The following BEND3 variants were observed in gnomAD, a reference collection of about 807,000 sequenced individuals.
BEND3 encodes the protein BEN domain-containing protein 3.
In BEND3, 13 loss-of-function variants were observed where a neutral mutation model predicts 60.1. The ratio of observed to expected loss-of-function variants is 0.22; its 90% CI spans 0.14 to 0.34. The LOEUF (loss-of-function observed/expected upper bound fraction) is 0.34, where lower values mean the gene tolerates loss of function less well. Ranked by LOEUF, BEND3 falls within the 10% of genes least tolerant of loss-of-function variation. BEND3 has a pLI of 1.00. For missense variants in BEND3, 896 were observed against 1,138.1 expected (o/e 0.79, Z 3.06); for synonymous variants, 497 against 491.5 (o/e 1.01, Z -0.15).
At chr6:107,096,489 G>A (rs530729338) in intron 3 of BEND3, among the ~76,000 whole-genome samples, 9 of 152,226 alleles carry the variant, frequency 5.9e-5, no homozygotes, top group Admixed American at 3.9e-4. Flanking sequence ...GTGCCCACCT[G>A]TAATCCCAGC....
intron 1 of BEND3, among the ~76,000 whole-genome samples, chr6:107,106,877 G>C (rs1775826434): frequency 6.6e-6 from 1 of 150,970 alleles, no homozygotes; most frequent in African/African-American, 2.4e-5. Context: ...CAAAGTGCTG[G>C]GATTTCAGAT....
chr6:107,087,512 G>A (rs937101065), intron 3 of BEND3, among the ~76,000 whole-genome samples: 2 of 152,156 alleles, frequency 1.3e-5, no homozygotes, highest in African/African-American at 4.8e-5. Flanking sequence ...GCCGAGGCCG[G>A]CGGATCACGA....
At chr6:107,106,882 T>C (rs1775826547) in intron 1 of BEND3, among the ~76,000 whole-genome samples, 1 of 149,108 alleles carries the variant, frequency 6.7e-6, no homozygotes, top group Non-Finnish European at 1.5e-5. Flanking sequence ...TGCTGGGATT[T>C]CAGATGCAAG....
chr6:107,099,340 T>A, intron 1 of BEND3, 44 bp from the exon 2 acceptor site: 1 of 1,547,086 alleles, frequency 6.5e-7, no homozygotes, highest in Non-Finnish European at 8.9e-7. Flanking sequence ...ATTGCTTGAT[T>A]TATTTCTTAA....
At chr6:107,094,384 G>A (rs1554235662) in intron 3 of BEND3, among the ~76,000 whole-genome samples, 1 of 151,978 alleles carries the variant, frequency 6.6e-6, no homozygotes, top group South Asian at 2.1e-4. Flanking sequence ...GCACTTTGGA[G>A]GCTGAGGGGG....
chr6:107,091,469 A>C (rs1052874357), intron 3 of BEND3, among the ~76,000 whole-genome samples: 2 of 152,212 alleles, frequency 1.3e-5, no homozygotes, highest in South Asian at 4.1e-4. Context: ...ATCAGAAATG[A>C]GAGATCCCAC....
Position 107,086,391 on chromosome 6 carries a change from C to T in BEND3, c.240+12160G>A, listed in dbSNP as rs183135147. Among the ~76,000 whole-genome samples the T allele has an allele frequency of 9.4e-4, 143 of 152,034 alleles. 3 individuals carry two copies. The highest frequency in any genetic ancestry group is 3.3e-3 in the African/African-American group (139 of 41,494). On this transcript the variant is annotated intron_variant, in intron 3 of 3. Transcript: ENST00000369042. ...CAGCACCCCAGGAGGCCGAGGTGGGCGGATCACGAGGTCAAGAGATCGAGA... is the reference window on the plus strand; with the variant it reads ...CAGCACCCCAGGAGGCCGAGGTGGGTGGATCACGAGGTCAAGAGATCGAGA...
rs147026950 is a variant in BEND3 at position 107,069,079 on chromosome 6, G to T, written c.2112C>A (p.Asp704Glu). 4 of 1,613,254 alleles carry T rather than the reference G, an allele frequency of 2.5e-6. No individual in the cohort carries two copies. The highest frequency in any genetic ancestry group is 3.4e-6 in the Non-Finnish European group (4 of 1,179,998). The change falls in exon 4 of 4, where the codon GAC (aspartate) becomes GAA (glutamate). Residue 704 changes from aspartate (D) to glutamate (E), a missense_variant. Coordinates refer to ENST00000369042, the MANE Select transcript of BEND3 (RefSeq NM_001367314.1). ...AGTCAGGCGAGGGGACCACCAGCTCGTCCAAGGGGATCTTGCAAAAGTCCT... is the reference window on the plus strand; with the variant it reads ...AGTCAGGCGAGGGGACCACCAGCTCTTCCAAGGGGATCTTGCAAAAGTCCT... ...SSKDFCKIPL[D>E]ELVVPSPDFP...
At position 107,069,757 on chromosome 6, in the gene BEND3, G is replaced by C. The variant is rs782612306; in HGVS notation, c.1434C>G (p.Asp478Glu). 3 of 1,612,488 alleles carry C rather than the reference G, an allele frequency of 1.9e-6. No homozygotes were observed. The highest frequency in any genetic ancestry group is 2.5e-6 in the Non-Finnish European group (3 of 1,180,026). ...CGTCCAGCCCCAGGCCCTCGAGCTC[G>C]TCGTTGATGCGCTGGGCACACTGCT... ...WLQQCAQRIN[D>E]ELEGLGLDAG... Residue 478 changes from aspartate (D) to glutamate (E), a missense_variant, in exon 4 of 4, where the codon GAC becomes GAG. By Grantham distance (45) the Asp-to-Glu change is conservative (BLOSUM62 2). Coordinates refer to ENST00000369042, the MANE Select transcript of BEND3 (RefSeq NM_001367314.1).
intron 3 of BEND3, among the ~76,000 whole-genome samples, chr6:107,078,429 G>A (rs1775143854): frequency 6.6e-6 from 1 of 151,476 alleles, no homozygotes; most frequent in Non-Finnish European, 1.5e-5. Flanking sequence ...ATGGGGTTGA[G>A]GGCTGGAGAT....
intron 3 of BEND3, among the ~76,000 whole-genome samples, chr6:107,092,870 T>C (rs782687834): frequency 7.9e-5 from 12 of 152,162 alleles, no homozygotes; most frequent in Non-Finnish European, 1.5e-4. Context: ...CACAATACCA[T>C]TTATATCAGG....
chr6:107,073,599 C>T (rs1181593332), intron 3 of BEND3, among the ~76,000 whole-genome samples: 3 of 152,086 alleles, frequency 2.0e-5, no homozygotes, highest in African/African-American at 7.2e-5. Context: ...TTCTCAAATA[C>T]ATGCTTAAGA....
intron 3 of BEND3, among the ~76,000 whole-genome samples, chr6:107,075,849 T>C (rs1775090004): frequency 6.6e-6 from 1 of 152,212 alleles, no homozygotes. Flanking sequence ...ACACAAGGTT[T>C]GACTCCCTCA....
At chr6:107,089,459 G>A (rs1176118626) in intron 3 of BEND3, among the ~76,000 whole-genome samples, 2 of 151,224 alleles carry the variant, frequency 1.3e-5, no homozygotes, top group Non-Finnish European at 2.9e-5. Flanking sequence ...GGTGACGGGC[G>A]CCTGTAGTCC....
At chr6:107,100,203 T>C (rs183274371) in intron 1 of BEND3, among the ~76,000 whole-genome samples, 1 of 151,878 alleles carries the variant, frequency 6.6e-6, no homozygotes, top group African/African-American at 2.4e-5. Flanking sequence ...CATGTTGAAA[T>C]GATAATATTT....
chr6:107,104,817 C>T (rs746583578), intron 1 of BEND3, among the ~76,000 whole-genome samples: 4 of 151,866 alleles, frequency 2.6e-5, no homozygotes, highest in Non-Finnish European at 4.4e-5. Flanking sequence ...CACAGGCATG[C>T]GCCACCACAT....
intron 3 of BEND3, among the ~76,000 whole-genome samples, chr6:107,082,751 G>A (rs1554233700): frequency 1.3e-5 from 2 of 151,840 alleles, no homozygotes; most frequent in African/African-American, 2.4e-5. Context: ...TAAACTACTA[G>A]GTTCTGGAGT....
chr6:107,108,875 G>A (rs1446396178), intron 1 of BEND3, among the ~76,000 whole-genome samples: 2 of 152,076 alleles, frequency 1.3e-5, no homozygotes, highest in African/African-American at 4.8e-5. Flanking sequence ...GTGCGACCTC[G>A]GCTCTCTGCA....
At chr6:107,089,463 G>A (rs1186528743) in intron 3 of BEND3, among the ~76,000 whole-genome samples, 1 of 151,272 alleles carries the variant, frequency 6.6e-6, no homozygotes, top group Non-Finnish European at 1.5e-5. Context: ...ACGGGCGCCT[G>A]TAGTCCCAGC....
Sources: gnomAD v4.1 joint callset for allele counts (sites outside exome capture counted in the v4.1 genomes callset) on GRCh38, gnomAD v4.1.1 for gene constraint, MANE v1.5 for transcripts, NCBI Gene and HGNC (gene_info 2026-07-23, HGNC 2026-07-21) for gene names.